Variants in TRPC4 observed in about 807,000 individuals in gnomAD.
TRPC4 encodes short transient receptor potential channel 4.
In TRPC4, 49 loss-of-function variants were observed where a neutral mutation model predicts 99.4. The observed-to-expected ratio is 0.49, with a 90% CI of 0.39 to 0.63. The LOEUF (loss-of-function observed/expected upper bound fraction) is 0.63. TRPC4 is among the 20% of genes least tolerant of loss of function. The pLI, the probability that TRPC4 is intolerant of heterozygous loss-of-function variation, is 0.00. For missense variants in TRPC4, 898 were observed against 1,152.9 expected (o/e 0.78, Z 3.20); for synonymous variants, 454 against 425.9 (o/e 1.07, Z -0.81).
chr13:37,750,162 A>G (rs1268410788), intron 2 of TRPC4, among the ~76,000 whole-genome samples: 1 of 151,354 alleles, frequency 6.6e-6, no homozygotes, highest in Non-Finnish European at 1.5e-5. Flanking sequence ...TGTTAGTAGC[A>G]AAAACTGTTG....
chr13:37,860,343 C>T (rs147556741), intron 1 of TRPC4, among the ~76,000 whole-genome samples: 158 of 151,310 alleles, frequency 1.0e-3, no homozygotes, highest in African/African-American at 3.0e-3. Context: ...AAACCCACCA[C>T]GAATCATGTA....
intron 1 of TRPC4, among the ~76,000 whole-genome samples, chr13:37,828,977 G>GA (rs546994734): frequency 6.6e-6 from 1 of 151,922 alleles, no homozygotes; most frequent in Non-Finnish European, 1.5e-5. Flanking sequence ...TAAAAGTTAA[G>GA]AAAAAAATTT....
intron 1 of TRPC4, among the ~76,000 whole-genome samples, chr13:37,814,286 C>A (rs1957782712): frequency 1.3e-5 from 2 of 151,558 alleles, no homozygotes; most frequent in East Asian, 3.9e-4. Flanking sequence ...TGCCCACTCT[C>A]ACCATTTCTT....
chr13:37,637,415 C>T lies in TRPC4; in HGVS notation c.2422G>A (p.Ala808Thr). 1 of 1,613,726 alleles carries T rather than the reference C, an allele frequency of 6.2e-7. No homozygotes were observed. Among genetic ancestry groups the T allele is most frequent in the Non-Finnish European group, 8.5e-7 (1 of 1,179,822 alleles). Residue 808 changes from alanine to threonine, a missense_variant, in exon 11 of 11, where the codon GCA becomes ACA. This residue lies in a region of TRPC4 where 346 missense variants were observed against 351.4 expected (regional missense o/e 0.98). Coordinates refer to ENST00000379705, the MANE Select transcript of TRPC4 (RefSeq NM_016179.4). ...TTATGTCTTTCAGAGGCAATTGCTG[C>T]TGATCTCGGATGAATCAGGGTGGTT... ...DLTTLIHPRS[A>T]AIASERHNIS...
In TRPC4 at chr13:37,833,487, A is replaced by G. The variant is rs1958478364; in HGVS notation, c.-28+36108T>C. Among the ~76,000 whole-genome samples the G allele has an allele frequency of 3.9e-5, 6 of 152,284 alleles. 1 individual carries two copies. In the South Asian group the frequency reaches 1.2e-3, roughly 32 times the overall value. ...GTTAACGTCTTTCCTACTAGTGAAG[A>G]TGGGCAGCTGACGATCTTAAAAATG... On this transcript the variant is annotated intron_variant, in intron 1 of 10. Coordinates refer to ENST00000379705, the MANE Select transcript of TRPC4 (RefSeq NM_016179.4).
At chr13:37,716,521 ACTT>A (rs2139011151) in intron 3 of TRPC4, among the ~76,000 whole-genome samples, 1 of 152,246 alleles carries the variant, frequency 6.6e-6, no homozygotes, top group South Asian at 2.1e-4. Flanking sequence ...GTATAAGAAA[ACTT>A]CTAGGCTGAG....
chr13:37,779,199 T>C (rs1956777479), intron 2 of TRPC4, among the ~76,000 whole-genome samples: 1 of 152,070 alleles, frequency 6.6e-6, no homozygotes, highest in African/African-American at 2.4e-5. Flanking sequence ...TAAGCTCTGC[T>C]AAAAATAATG....
chr13:37,746,522 C>A, intron 2 of TRPC4, 67 bp from the exon 3 acceptor site: 1 of 1,501,630 alleles, frequency 6.7e-7, no homozygotes, highest in Non-Finnish European at 8.9e-7. Flanking sequence ...ATTTCATACA[C>A]CATGCTATAG....
intron 1 of TRPC4, among the ~76,000 whole-genome samples, chr13:37,798,201 G>A (rs910887757): frequency 3.9e-5 from 6 of 152,030 alleles, no homozygotes; most frequent in Non-Finnish European, 4.4e-5. Context: ...CTAGGAGGTG[G>A]CATAAAGTAA....
chr13:37,862,055 T>C (rs1959378587), intron 1 of TRPC4, among the ~76,000 whole-genome samples: 1 of 151,496 alleles, frequency 6.6e-6, no homozygotes, highest in African/African-American at 2.4e-5. Flanking sequence ...AGGCTTTCGA[T>C]AGACGTAGCT....
In TRPC4 at chr13:37,633,861, A is replaced by T. The variant is rs957864961; in HGVS notation, c.*3042T>A. 1.3e-5 allele frequency among the ~76,000 whole-genome samples: 2 copies of T among 152,132 alleles called. No homozygotes were observed. Among genetic ancestry groups the T allele is most frequent in the Non-Finnish European group, 2.9e-5 (2 of 67,992 alleles). ...TCACCCCATTTTAAAAAATATAGCCAATTTCCTTACTGAAGTTAATATAGA... is the reference window on the plus strand; with the variant it reads ...TCACCCCATTTTAAAAAATATAGCCTATTTCCTTACTGAAGTTAATATAGA... On this transcript the variant is annotated 3_prime_UTR_variant, in exon 11 of 11. Transcript: ENST00000379705.
intron 2 of TRPC4, among the ~76,000 whole-genome samples, chr13:37,765,278 T>C (rs1413404515): frequency 1.3e-5 from 2 of 151,422 alleles, no homozygotes; most frequent in Non-Finnish European, 3.0e-5. Flanking sequence ...CACCAACCTA[T>C]GAGAATGAAC....
intron 3 of TRPC4, among the ~76,000 whole-genome samples, chr13:37,711,667 A>C (rs1472568454): frequency 6.6e-6 from 1 of 152,054 alleles, no homozygotes; most frequent in Admixed American, 6.6e-5. Flanking sequence ...TAAAGTGAAT[A>C]TCTTTCTATA....
chr13:37,782,258 G>C (rs990486832), intron 2 of TRPC4, among the ~76,000 whole-genome samples: 1 of 152,072 alleles, frequency 6.6e-6, no homozygotes, highest in Non-Finnish European at 1.5e-5. Context: ...AGTGGAAAAA[G>C]ACAGAGAGAA....
chr13:37,791,287 T>C (rs1352500051), intron 1 of TRPC4, among the ~76,000 whole-genome samples: 1 of 151,516 alleles, frequency 6.6e-6, no homozygotes, highest in East Asian at 1.9e-4. Flanking sequence ...TCCCAGCTAC[T>C]TGGGAGGCTG....
At chr13:37,719,753 G>C (rs775720922) in intron 3 of TRPC4, among the ~76,000 whole-genome samples, 10 of 152,014 alleles carry the variant, frequency 6.6e-5, no homozygotes, top group Non-Finnish European at 1.0e-4. Context: ...GTGAAAAATT[G>C]AGGGTATTGT....
chr13:37,857,953 GA>G (rs1298842646), intron 1 of TRPC4, among the ~76,000 whole-genome samples: 1 of 151,570 alleles, frequency 6.6e-6, no homozygotes, highest in Non-Finnish European at 1.5e-5. Flanking sequence ...CACAGCAAAA[GA>G]AACAATCAAC....
chr13:37,718,261 C>T (rs1954747571), intron 3 of TRPC4, among the ~76,000 whole-genome samples: 1 of 151,742 alleles, frequency 6.6e-6, no homozygotes, highest in Admixed American at 6.6e-5. Context: ...TTTAAGTATA[C>T]TGACTTTAAA....
rs773936303 is a variant in TRPC4, at chr13:37,637,256, C to G, written c.2581G>C (p.Ala861Pro). ...TCTGAAACAGAGAAGATTTGGTTTG[C>G]ATTTTGCTCAGCAGCATTTTGTTTT... Reference protein sequence around the residue: ...RSKQNAAEQNANQIFSVSEEV... With the variant: ...RSKQNAAEQNPNQIFSVSEEV... The change falls in exon 11 of 11, where the codon GCA becomes CCA. Residue 861 changes from alanine to proline, a missense_variant. Transcript: ENST00000379705. 6.2e-7 allele frequency: 1 copy of G among 1,613,884 alleles called. No homozygotes were observed. The highest frequency in any genetic ancestry group is 8.5e-7 in the Non-Finnish European group (1 of 1,179,868).
Sources: allele counts gnomAD v4.1 joint callset (sites outside exome capture counted in the v4.1 genomes callset), GRCh38; gene constraint gnomAD v4.1.1; regional missense constraint gnomAD v4.1.1; transcripts MANE v1.5; gene names NCBI Gene and HGNC (gene_info 2026-07-23, HGNC 2026-07-21).